SLC14A1: variants seen among roughly 807,000 people sequenced by gnomAD.
The protein encoded by SLC14A1 is solute carrier family 14 member 1 (Kidd blood group).
A neutral mutation model predicts 39.6 loss-of-function variants in SLC14A1; 36 were observed. The observed-to-expected ratio is 0.91, with a 90% CI of 0.70 to 1.20. The LOEUF (loss-of-function observed/expected upper bound fraction) is 1.20. Among genes scored for constraint, SLC14A1 ranks in the 50% most tolerant of loss-of-function variants. The probability of loss-of-function intolerance (pLI) is 0.00; values close to 1 mark genes in which losing one functional copy is unlikely to be tolerated. For synonymous variants in SLC14A1, 164 were observed against 173.6 expected (o/e 0.94, Z 0.43); for missense variants, 469 against 478.7 (o/e 0.98, Z 0.19).
Position 45,750,193 on chromosome 18 carries a change from G to T in SLC14A1, c.*242G>T. ...GAATTTGAAACCCCAATGGGGCCTT[G>T]GCACTAAGACTGGAATGTATATAAA... On this transcript the variant is annotated 3_prime_UTR_variant, in exon 10 of 10. Transcript: ENST00000321925. 1 of 1,414,140 alleles carries T rather than the reference G, an allele frequency of 7.1e-7. No individual in the cohort carries two copies. Among genetic ancestry groups the T allele is most frequent in the Non-Finnish European group, 9.2e-7 (1 of 1,087,904 alleles). The allele number at this position is 1,414,140 out of a possible 1,614,324, so 87.6% of individuals were successfully genotyped here.
intron 9 of SLC14A1, 123 bp downstream of exon 9, chr18:45,748,548 T>G (rs2047618528): frequency 4.1e-6 from 4 of 966,822 alleles, no homozygotes; most frequent in Non-Finnish European, 6.7e-6. Context: ...TGAGAAGCAC[T>G]GCTCTCCCTT....
chr18:45,730,255 G>C, intron 2 of SLC14A1, 45 bp from the exon 3 acceptor site: 1 of 1,570,474 alleles, frequency 6.4e-7, no homozygotes, highest in South Asian at 1.2e-5. Flanking sequence ...CTAATCTGGA[G>C]GGCTCTGCCT....
Position 45,739,206 on chromosome 18 carries a change from G to T in SLC14A1, c.707G>T (p.Cys236Phe), listed in dbSNP as rs771635749. 3.7e-6 allele frequency: 6 copies of T among 1,613,994 alleles called. No homozygotes were observed. Among genetic ancestry groups the T allele is most frequent in the Admixed American group, 1.7e-5 (1 of 60,006 alleles). ...GTGGGAGTTGGTCAGATCTATGGCT[G>T]TGATAATCCATGGACAGGGGGCATT... is the stretch of plus-strand genomic sequence containing the variant. ...IPVGVGQIYG[C>F]DNPWTGGIFL... Residue 236 changes from cysteine (C) to phenylalanine (F), a missense_variant, in exon 7 of 10, where the codon TGT becomes TTT. Transcript: ENST00000321925.
At chr18:45,748,472 T>C in intron 9 of SLC14A1, 47 bp downstream of exon 9, 1 of 1,588,914 alleles carries the variant, frequency 6.3e-7, no homozygotes, top group Non-Finnish European at 8.6e-7. Flanking sequence ...TTGACCAGCT[T>C]ACAACTATAT....
intron 2 of SLC14A1, among the ~76,000 whole-genome samples, chr18:45,726,032 C>T (rs2046854672): frequency 6.6e-6 from 1 of 152,106 alleles, no homozygotes; most frequent in African/African-American, 2.4e-5. Context: ...TTTCTTATTT[C>T]TTTGTTTTTA....
At position 45,741,955 on chromosome 18, in the gene SLC14A1, A is replaced by T. The variant is rs563308557; in HGVS notation, c.946+2293A>T. ...CACAAATATGTATTAAACACACATG[A>T]TACAAAAGACAGTACCAGGAAGAGC... On this transcript the variant is annotated intron_variant, in intron 8 of 9. Coordinates refer to ENST00000321925, the MANE Select transcript of SLC14A1 (RefSeq NM_015865.7). Among the ~76,000 whole-genome samples, 32 of 152,322 alleles carry T rather than the reference A, an allele frequency of 2.1e-4. 1 individual carries two copies. The highest frequency in any genetic ancestry group is 1.8e-3 in the Admixed American group (28 of 15,306).
chr18:45,740,167 G>A (rs905626333), intron 8 of SLC14A1, among the ~76,000 whole-genome samples: 8 of 152,218 alleles, frequency 5.3e-5, no homozygotes, highest in African/African-American at 1.9e-4. Flanking sequence ...CACTCCTTTT[G>A]CTTTCAACTG....
At chr18:45,738,533 T>C (rs1244602584) in intron 6 of SLC14A1, among the ~76,000 whole-genome samples, 1 of 151,948 alleles carries the variant, frequency 6.6e-6, no homozygotes, top group Non-Finnish European at 1.5e-5. Context: ...TGCTTGACAG[T>C]TGTTCATAAC....
At chr18:45,730,917 C>A (rs1298892744) in intron 3 of SLC14A1, 98 bp from the exon 4 acceptor site, 2 of 1,019,374 alleles carry the variant, frequency 2.0e-6, no homozygotes, top group South Asian at 1.3e-5. Flanking sequence ...AAATGTTTCA[C>A]TTCCAGGAGG....
chr18:45,734,388 T>C lies in SLC14A1; in HGVS notation c.456T>C (p.Ala152=). ...GGTGGCTGTTACTCCCTGTATGTGC[T>C]ATGTCCATGACTTGGTAAGTTACAA... The part of the protein sequence containing the change: ...YFWWLLLPVC[A]MSMTCPIFSS... The change falls in exon 5 of 10, where the codon GCT becomes GCC. Residue 152 remains alanine (A), a synonymous_variant. Transcript: ENST00000321925. 1 of 1,613,624 alleles carries C rather than the reference T, an allele frequency of 6.2e-7. No homozygotes were observed. Among genetic ancestry groups the C allele is most frequent in the African/African-American group, 1.3e-5 (1 of 74,946 alleles).
chr18:45,742,860 G>A (rs759380747), intron 8 of SLC14A1, among the ~76,000 whole-genome samples: 6 of 151,100 alleles, frequency 4.0e-5, no homozygotes, highest in Non-Finnish European at 8.8e-5. Flanking sequence ...ATTTTTTTTT[G>A]TATTTTTAGT....
intron 8 of SLC14A1, 64 bp from the exon 9 acceptor site, chr18:45,748,312 C>A (rs2144859910): frequency 1.3e-6 from 2 of 1,536,892 alleles, no homozygotes; most frequent in Middle Eastern, 3.4e-4. Flanking sequence ...TGGAAGGCAG[C>A]CTTTCCTGTG....
intron 9 of SLC14A1, among the ~76,000 whole-genome samples, chr18:45,749,431 C>G (rs532545427): frequency 2.6e-5 from 4 of 152,152 alleles, no homozygotes; most frequent in Admixed American, 1.3e-4. Context: ...TCAGAGAAGG[C>G]CTTGTGGACA....
At chr18:45,744,947 T>C (rs2047501497) in intron 8 of SLC14A1, among the ~76,000 whole-genome samples, 1 of 152,202 alleles carries the variant, frequency 6.6e-6, no homozygotes, top group East Asian at 1.9e-4. Flanking sequence ...TTCTGGTTCA[T>C]TAATTAAATT....
At chr18:45,746,971 G>A (rs547494207) in intron 8 of SLC14A1, among the ~76,000 whole-genome samples, 10 of 152,298 alleles carry the variant, frequency 6.6e-5, no homozygotes, top group East Asian at 3.9e-4. Flanking sequence ...CAATTCATAC[G>A]TGAAAGAATT....
At chr18:45,730,817 G>T (rs576058993) in intron 3 of SLC14A1, among the ~76,000 whole-genome samples, 198 bp from the exon 4 acceptor site, 37 of 152,226 alleles carry the variant, frequency 2.4e-4, no homozygotes, top group Non-Finnish European at 1.8e-4. Context: ...GGGCAGTGTG[G>T]GTTGAGCATA....
intron 4 of SLC14A1, chr18:45,731,453 C>G (rs1015405220): frequency 9.3e-6 from 5 of 538,812 alleles, no homozygotes; most frequent in African/African-American, 3.8e-5. Context: ...CAGAACTAAG[C>G]TACAAGTATT....
chr18:45,745,078 A>G (rs936327337), intron 8 of SLC14A1, among the ~76,000 whole-genome samples: 4 of 152,210 alleles, frequency 2.6e-5, no homozygotes, highest in African/African-American at 9.7e-5. Context: ...CCCCATCTCT[A>G]CTAAAAATAC....
In SLC14A1 at chr18:45,750,817, A is replaced by G. The variant is rs1222630331; in HGVS notation, c.*866A>G. On this transcript the variant is annotated 3_prime_UTR_variant, in exon 10 of 10. Coordinates refer to ENST00000321925, the MANE Select transcript of SLC14A1 (RefSeq NM_015865.7). ...CATTTTTACTTTAACCCCTAAATTGATTTTGTAAATGCCACAAATGCATAG... is the reference window on the plus strand; with the variant it reads ...CATTTTTACTTTAACCCCTAAATTGGTTTTGTAAATGCCACAAATGCATAG... 4.1e-6 allele frequency: 4 copies of G among 984,990 alleles called. No individual in the cohort carries two copies. The allele number at this position is 984,990 out of a possible 1,614,324, so 61.0% of individuals were successfully genotyped here.
Sources: allele counts gnomAD v4.1 joint callset (sites outside exome capture counted in the v4.1 genomes callset), GRCh38; gene constraint gnomAD v4.1.1; transcripts MANE v1.5; gene names NCBI Gene and HGNC (gene_info 2026-07-23, HGNC 2026-07-21).